NUBPL: variants seen among roughly 807,000 people sequenced by gnomAD.
The protein encoded by NUBPL is NUBP iron-sulfur cluster assembly factor, mitochondrial.
In NUBPL, 31 loss-of-function variants were observed where a neutral mutation model predicts 45.7. The observed-to-expected ratio is 0.68, with a 90% CI of 0.51 to 0.92. NUBPL has a LOEUF of 0.92. NUBPL is among the 40% of genes least tolerant of loss of function. NUBPL has a pLI of 0.00. For missense variants in NUBPL, 401 were observed against 398.7 expected (o/e 1.01, Z -0.05); for synonymous variants, 144 against 140.9 (o/e 1.02, Z -0.15).
chr14:31,562,597 T>TG (rs2033319942), intron 2 of NUBPL, among the ~76,000 whole-genome samples: 1 of 124,344 alleles, frequency 8.0e-6, no homozygotes, highest in South Asian at 2.7e-4. Flanking sequence ...AGTAACTTTT[T>TG]TTTTTTGTTT....
intron 4 of NUBPL, among the ~76,000 whole-genome samples, chr14:31,602,553 G>T (rs182363292): frequency 1.3e-5 from 2 of 151,950 alleles, no homozygotes; most frequent in African/African-American, 4.8e-5. Flanking sequence ...CATGGTACTG[G>T]ACTGCCTGGG....
chr14:31,683,507 C>T (rs561084713), intron 6 of NUBPL, among the ~76,000 whole-genome samples: 3 of 151,844 alleles, frequency 2.0e-5, no homozygotes, highest in African/African-American at 4.8e-5. Flanking sequence ...TACAGGCCAC[C>T]ACATCCAGCT....
chr14:31,640,224 T>C (rs946728829), intron 4 of NUBPL, among the ~76,000 whole-genome samples: 9 of 152,220 alleles, frequency 5.9e-5, no homozygotes, highest in Non-Finnish European at 8.8e-5. Flanking sequence ...TTCGGCCATC[T>C]TGGCTGCCCT....
In NUBPL at chr14:31,843,227, A is replaced by G. The variant is rs572217249; in HGVS notation, c.694-3244A>G. Among the ~76,000 whole-genome samples the G allele has an allele frequency of 9.2e-5, 14 of 152,348 alleles. No homozygotes were observed. In the South Asian group the frequency reaches 2.5e-3, roughly 27 times the overall value. ...TAAAGCTTTGGCCTAGATTTGACACATGGCACTTCTGCATACGTTTCATTG... is the reference window on the plus strand; with the variant it reads ...TAAAGCTTTGGCCTAGATTTGACACGTGGCACTTCTGCATACGTTTCATTG... On this transcript the variant is annotated intron_variant, in intron 8 of 10. Transcript: ENST00000281081.
chr14:31,680,231 G>T (rs2036798498), intron 6 of NUBPL, among the ~76,000 whole-genome samples: 1 of 151,890 alleles, frequency 6.6e-6, no homozygotes, highest in Admixed American at 6.6e-5. Flanking sequence ...TGATTTTCTG[G>T]TATTCTTATT....
chr14:31,676,690 CAT>C (rs1187377112), intron 6 of NUBPL, among the ~76,000 whole-genome samples: 5 of 152,078 alleles, frequency 3.3e-5, no homozygotes, highest in Admixed American at 1.3e-4. Context: ...CCCTTTTCCA[CAT>C]GTGTATTAGA....
intron 8 of NUBPL, among the ~76,000 whole-genome samples, chr14:31,834,485 G>A (rs1377715032): frequency 2.0e-5 from 3 of 151,996 alleles, no homozygotes; most frequent in Non-Finnish European, 4.4e-5. Flanking sequence ...GGCCGGTCTG[G>A]AACTTTTTAG....
chr14:31,763,800 T>A (rs1287504098), intron 6 of NUBPL, among the ~76,000 whole-genome samples: 1 of 152,188 alleles, frequency 6.6e-6, no homozygotes, highest in Non-Finnish European at 1.5e-5. Context: ...TGTGCATTCG[T>A]CTTGTCAAAA....
chr14:31,671,055 C>T (rs959873298), intron 4 of NUBPL, among the ~76,000 whole-genome samples: 11 of 152,098 alleles, frequency 7.2e-5, no homozygotes, highest in Non-Finnish European at 1.0e-4. Flanking sequence ...CTGTAAATTG[C>T]CTTGGGGAGT....
At chr14:31,820,071 C>T (rs1015312603) in intron 7 of NUBPL, among the ~76,000 whole-genome samples, 10 of 146,052 alleles carry the variant, frequency 6.8e-5, no homozygotes, top group Admixed American at 4.1e-4. Flanking sequence ...ACCCAGGAGG[C>T]GGAGCTTGCA....
chr14:31,729,521 G>A (rs2038004365), intron 6 of NUBPL, among the ~76,000 whole-genome samples: 1 of 151,984 alleles, frequency 6.6e-6, no homozygotes, highest in Non-Finnish European at 1.5e-5. Context: ...AATTTTTAAT[G>A]TTTATTGGAA....
At chr14:31,639,725 G>A (rs2035625315) in intron 4 of NUBPL, among the ~76,000 whole-genome samples, 1 of 152,202 alleles carries the variant, frequency 6.6e-6, no homozygotes. Flanking sequence ...TTGAGCTGTG[G>A]TGGGCTCCAC....
intron 4 of NUBPL, among the ~76,000 whole-genome samples, chr14:31,619,210 C>T (rs1179845650): frequency 6.6e-6 from 1 of 152,146 alleles, no homozygotes; most frequent in Admixed American, 6.5e-5. Context: ...CTGAATACAG[C>T]ACACCAATGG....
intron 8 of NUBPL, among the ~76,000 whole-genome samples, chr14:31,837,582 C>T (rs2040302105): frequency 6.6e-6 from 1 of 151,782 alleles, no homozygotes; most frequent in Non-Finnish European, 1.5e-5. Context: ...ATATATGTAC[C>T]ACAGTATATT....
At chr14:31,835,468 T>G (rs891097620) in intron 8 of NUBPL, among the ~76,000 whole-genome samples, 8 of 152,206 alleles carry the variant, frequency 5.3e-5, no homozygotes, top group Non-Finnish European at 8.8e-5. Context: ...CCCATCTCAT[T>G]GGTCACTATG....
intron 4 of NUBPL, among the ~76,000 whole-genome samples, chr14:31,668,443 A>G (rs1385965963): frequency 2.0e-5 from 3 of 152,114 alleles, no homozygotes; most frequent in Non-Finnish European, 4.4e-5. Flanking sequence ...TTGACTTCAG[A>G]CTGCCGTGCT....
chr14:31,859,445 A>G lies in NUBPL; in HGVS notation c.*265A>G. Reference sequence around the variant, plus strand: ...TTTTATTTTATTGAATTACCCCTTTAGAAATCACGAGTTTATGATGTTACA... The same window carrying G: ...TTTTATTTTATTGAATTACCCCTTTGGAAATCACGAGTTTATGATGTTACA... On this transcript the variant is annotated 3_prime_UTR_variant, in exon 11 of 11. Coordinates refer to ENST00000281081, the MANE Select transcript of NUBPL (RefSeq NM_025152.3). 2.2e-6 allele frequency: 1 copy of G among 462,196 alleles called. No individual in the cohort carries two copies. 28.6% of individuals were successfully genotyped at this position (462,196 alleles called of 1,614,324 possible). A position where few individuals can be genotyped will look rare whatever the true frequency, so the allele number is the denominator to read the frequency against.
intron 6 of NUBPL, among the ~76,000 whole-genome samples, chr14:31,750,342 A>AT (rs34600958): frequency 0.011 from 1,450 of 136,658 alleles, 18 homozygotes; most frequent in African/African-American, 0.036. Flanking sequence ...CGCCCGGCTA[A>AT]TTTTTTTTTT....
intron 9 of NUBPL, among the ~76,000 whole-genome samples, chr14:31,847,165 T>C (rs61996372): frequency 0.058 from 8,789 of 152,270 alleles, 354 homozygotes; most frequent in Non-Finnish European, 0.083. Context: ...CCAAGTACTG[T>C]AATTTGAAGC....
Sources: allele counts gnomAD v4.1 joint callset (sites outside exome capture counted in the v4.1 genomes callset), GRCh38; gene constraint gnomAD v4.1.1; transcripts MANE v1.5; gene names NCBI Gene and HGNC (gene_info 2026-07-23, HGNC 2026-07-21).